The following NIBAN1 variants were observed in gnomAD, a reference collection of about 807,000 sequenced individuals.
NIBAN1 encodes the protein protein Niban 1.
In NIBAN1, 81 loss-of-function variants were observed where a neutral mutation model predicts 75.1. The ratio of observed to expected loss-of-function variants is 1.08; its 90% CI spans 0.90 to 1.30. NIBAN1 has a LOEUF of 1.30. NIBAN1 is among the 50% of genes most tolerant of loss of function. The pLI, the probability that NIBAN1 is intolerant of heterozygous loss-of-function variation, is 0.00. For missense variants in NIBAN1, 1,133 were observed against 1,128.1 expected (o/e 1.00, Z -0.06); for synonymous variants, 436 against 424.8 (o/e 1.03, Z -0.32).
intron 1 of NIBAN1, among the ~76,000 whole-genome samples, chr1:184,945,766 A>G (rs1230118459): frequency 6.6e-6 from 1 of 152,208 alleles, no homozygotes; most frequent in African/African-American, 2.4e-5. Flanking sequence ...AGAGTCGCTG[A>G]AAATATGACA....
At chr1:184,939,615 C>G (rs1276769080) in intron 1 of NIBAN1, among the ~76,000 whole-genome samples, 1 of 152,158 alleles carries the variant, frequency 6.6e-6, no homozygotes, top group Non-Finnish European at 1.5e-5. Context: ...CCTGGATTGC[C>G]TGGTTTTAAG....
At chr1:184,809,131 C>T (rs1173868942) in intron 9 of NIBAN1, among the ~76,000 whole-genome samples, 1 of 152,170 alleles carries the variant, frequency 6.6e-6, no homozygotes, top group Non-Finnish European at 1.5e-5. Flanking sequence ...CGACTTTCAG[C>T]TCACGCAGAA....
At chr1:184,930,997 C>CTTTTTTCTTTTCTT (rs1553229154) in intron 1 of NIBAN1, among the ~76,000 whole-genome samples, 2 of 114,556 alleles carry the variant, frequency 1.7e-5, no homozygotes, top group African/African-American at 9.1e-5. Flanking sequence ...TTTTCTTCTT[C>CTTTTTTCTTTTCTT]TTTTTTTTTT....
rs1658842563 is a variant in NIBAN1, at chr1:184,967,975, G to A, written c.55+6327C>T. 4.3e-4 allele frequency among the ~76,000 whole-genome samples: 4 copies of A among 9,408 alleles called. 2 individuals are homozygous for A. The highest frequency in any genetic ancestry group is 4.2e-3 in the Admixed American group (4 of 954). The allele number at this position is 9,408 out of a possible 152,430, so 6.2% of individuals were successfully genotyped here. A position where few individuals can be genotyped will look rare whatever the true frequency, so the allele number is the denominator to read the frequency against. On this transcript the variant is annotated intron_variant, in intron 1 of 13. Transcript: ENST00000367511. ...TCCCAGCACTTTGGGAGGCCGAGGC[G>A]GGTGGATCATGAGGTCAGGAGATCG...
intron 5 of NIBAN1, among the ~76,000 whole-genome samples, chr1:184,837,646 C>T (rs563975636): frequency 2.4e-4 from 36 of 152,216 alleles, no homozygotes; most frequent in African/African-American, 7.5e-4. Context: ...GGTTTGGCCC[C>T]GGCTTGATTA....
At chr1:184,812,070 C>T (rs936337209) in intron 9 of NIBAN1, among the ~76,000 whole-genome samples, 11 of 152,192 alleles carry the variant, frequency 7.2e-5, no homozygotes, top group African/African-American at 2.4e-4. Flanking sequence ...TTTTCAGTGT[C>T]GCTGAAATGA....
rs779473220 is a variant in NIBAN1, at chr1:184,796,047, T to C, written c.1717A>G (p.Met573Val). 6 of 1,587,366 alleles carry C rather than the reference T, an allele frequency of 3.8e-6. No homozygotes were observed. The highest frequency in any genetic ancestry group is 5.1e-6 in the Non-Finnish European group (6 of 1,169,332). The change falls in exon 14 of 14, where the codon ATG becomes GTG. Residue 573 changes from methionine to valine, a missense_variant. Met to Val is a conservative substitution (Grantham distance 21). Coordinates refer to ENST00000367511, the MANE Select transcript of NIBAN1 (RefSeq NM_052966.4). The stretch of plus-strand genomic sequence containing the variant: ...GACACACTTTCACTGGGCAAGGCCA[T>C]GTTATCTTCAAATAAGTTGTGTTTC... ...LKKHNLFEDN[M>V]ALPSESVSSL...
At chr1:184,921,517 C>T (rs1249855628) in intron 1 of NIBAN1, among the ~76,000 whole-genome samples, 5 of 152,038 alleles carry the variant, frequency 3.3e-5, no homozygotes, top group Non-Finnish European at 5.9e-5. Flanking sequence ...TTTTTCCTTC[C>T]GTCTTTACAA....
intron 1 of NIBAN1, among the ~76,000 whole-genome samples, chr1:184,967,301 A>G (rs1658821243): frequency 6.6e-6 from 1 of 151,962 alleles, no homozygotes; most frequent in Non-Finnish European, 1.5e-5. Flanking sequence ...ACTGTAGCAG[A>G]TGAATTGTGC....
intron 5 of NIBAN1, among the ~76,000 whole-genome samples, chr1:184,843,769 A>G (rs1655361204): frequency 6.6e-6 from 1 of 152,190 alleles, no homozygotes; most frequent in Non-Finnish European, 1.5e-5. Context: ...AAAAAATTAC[A>G]CCACAAAACC....
chr1:184,954,933 G>C (rs1229414787), intron 1 of NIBAN1, among the ~76,000 whole-genome samples: 2 of 152,122 alleles, frequency 1.3e-5, no homozygotes, highest in Admixed American at 6.5e-5. Context: ...CTTTATTCGA[G>C]AACAGCTGTC....
chr1:184,840,327 G>C (rs1655248476), intron 5 of NIBAN1, among the ~76,000 whole-genome samples: 1 of 152,078 alleles, frequency 6.6e-6, no homozygotes, highest in Non-Finnish European at 1.5e-5. Context: ...AATCATATCT[G>C]TATTAGTGGA....
At chr1:184,804,481 T>C (rs1196779306) in intron 11 of NIBAN1, among the ~76,000 whole-genome samples, 1 of 152,226 alleles carries the variant, frequency 6.6e-6, no homozygotes, top group East Asian at 1.9e-4. Context: ...ATGTTCTTGC[T>C]GTCAAGAACT....
At chr1:184,964,347 A>T (rs371617911) in intron 1 of NIBAN1, among the ~76,000 whole-genome samples, 2 of 152,260 alleles carry the variant, frequency 1.3e-5, no homozygotes, top group Non-Finnish European at 2.9e-5. Flanking sequence ...AGTTTCTGAT[A>T]CTTACTCATG....
At chr1:184,970,538 G>A (rs370768869) in intron 1 of NIBAN1, among the ~76,000 whole-genome samples, 2 of 152,076 alleles carry the variant, frequency 1.3e-5, no homozygotes, top group South Asian at 4.1e-4. Context: ...TAAATAAGAG[G>A]GAACTTCCCT....
chr1:184,903,733 C>G (rs986249831), intron 1 of NIBAN1, among the ~76,000 whole-genome samples: 2 of 99,922 alleles, frequency 2.0e-5, no homozygotes, highest in African/African-American at 3.8e-5. Context: ...CCGATTAAAC[C>G]TTTTTTTTTT....
intron 9 of NIBAN1, 29 bp from the exon 10 acceptor site, chr1:184,808,264 C>T (rs771683750): frequency 1.2e-6 from 2 of 1,609,696 alleles, no homozygotes; most frequent in East Asian, 4.5e-5. Flanking sequence ...AAACATTAAA[C>T]ACCCTCAGAA....
At chr1:184,930,073 A>C (rs568460512) in intron 1 of NIBAN1, among the ~76,000 whole-genome samples, 29 of 152,372 alleles carry the variant, frequency 1.9e-4, no homozygotes, top group African/African-American at 6.5e-4. Context: ...CTCAGCTGGC[A>C]GAACAAAAGC....
chr1:184,890,290 T>A (rs1424538533), intron 3 of NIBAN1, 68 bp from the exon 4 acceptor site: 1 of 1,057,470 alleles, frequency 9.5e-7, no homozygotes. Flanking sequence ...ATATCAGGGA[T>A]ATAACAAATA....
Sources: gnomAD v4.1 joint callset for allele counts (sites outside exome capture counted in the v4.1 genomes callset) on GRCh38, gnomAD v4.1.1 for gene constraint, MANE v1.5 for transcripts, NCBI Gene and HGNC (gene_info 2026-07-23, HGNC 2026-07-21) for gene names.